The following ADGRA3 variants were observed in gnomAD, a reference collection of about 807,000 sequenced individuals.
ADGRA3 encodes adhesion G protein-coupled receptor A3.
A neutral mutation model predicts 119.8 loss-of-function variants in ADGRA3; 56 were observed. That is an observed-to-expected ratio of 0.47 (90% CI 0.38 to 0.58). The LOEUF (loss-of-function observed/expected upper bound fraction) is 0.58. Ranked by LOEUF, ADGRA3 falls within the 20% of genes least tolerant of loss-of-function variation. The probability of loss-of-function intolerance (pLI) is 0.00; values close to 1 mark genes in which losing one functional copy is unlikely to be tolerated. For synonymous variants in ADGRA3, 607 were observed against 623.8 expected, an observed-to-expected ratio of 0.97 and a Z score of 0.40; for missense variants, 1,516 against 1,649.0, an observed-to-expected ratio of 0.92 and a Z score of 1.40.
chr4:22,475,726 C>CG lies in ADGRA3; in HGVS notation c.258-1884dup, dbSNP rs552756959. Among the ~76,000 whole-genome samples the CG allele has an allele frequency of 5.4e-3, 745 of 139,200 alleles. 10 individuals carry two copies. The highest frequency in any genetic ancestry group is 0.019 in the African/African-American group (693 of 36,256). 91.3% of individuals were successfully genotyped at this position (139,200 alleles called of 152,430 possible). A position where few individuals can be genotyped will look rare whatever the true frequency, so the allele number is the denominator to read the frequency against. ...TGGGCAACAGAGCGAGACTCCGTCT[C>CG]GGAAAAAAAAATAAATAAATAAAAA... On this transcript the variant is annotated intron_variant, in intron 1 of 18. Coordinates refer to ENST00000334304, the MANE Select transcript of ADGRA3 (RefSeq NM_145290.4).
At chr4:22,430,992 T>C (rs1441638958) in intron 10 of ADGRA3, among the ~76,000 whole-genome samples, 1 of 152,166 alleles carries the variant, frequency 6.6e-6, no homozygotes, top group Non-Finnish European at 1.5e-5. Context: ...GTGTTGAGAT[T>C]GTGGGTGCAC....
intron 17 of ADGRA3, among the ~76,000 whole-genome samples, chr4:22,391,350 T>C (rs1235820471): frequency 6.6e-6 from 1 of 152,104 alleles, no homozygotes; most frequent in East Asian, 1.9e-4. Flanking sequence ...TCCTATCTTA[T>C]TTCTCAGTTG....
chr4:22,448,922 G>A (rs1347568067), intron 4 of ADGRA3, among the ~76,000 whole-genome samples: 1 of 152,108 alleles, frequency 6.6e-6, no homozygotes, highest in Non-Finnish European at 1.5e-5. Flanking sequence ...TTGTGAGAAA[G>A]GTGTGCCCAT....
intron 1 of ADGRA3, among the ~76,000 whole-genome samples, chr4:22,480,495 T>C (rs1718227960): frequency 6.6e-6 from 1 of 151,792 alleles, no homozygotes; most frequent in African/African-American, 2.4e-5. Context: ...GTGATATACA[T>C]AGCAAGACCC....
intron 1 of ADGRA3, among the ~76,000 whole-genome samples, chr4:22,490,324 T>C (rs1387719470): frequency 6.6e-6 from 1 of 152,214 alleles, no homozygotes; most frequent in East Asian, 1.9e-4. Context: ...ACCCATTTTT[T>C]AAGGTGTCTG....
At chr4:22,431,775 G>C (rs1716182085) in intron 10 of ADGRA3, among the ~76,000 whole-genome samples, 1 of 152,078 alleles carries the variant, frequency 6.6e-6, no homozygotes, top group Non-Finnish European at 1.5e-5. Context: ...GTAAATAATT[G>C]TCTTGTTTTT....
At chr4:22,390,330 ATATATATAAAATACATAT>A (rs1310461595) in intron 17 of ADGRA3, among the ~76,000 whole-genome samples, 95 of 133,144 alleles carry the variant, frequency 7.1e-4, no homozygotes, top group Middle Eastern at 3.6e-3. Context: ...TTATATATAT[ATATATATAAAATACATAT>A]TATATATATA....
chr4:22,491,565 G>A (rs1451944413), intron 1 of ADGRA3, among the ~76,000 whole-genome samples: 3 of 152,168 alleles, frequency 2.0e-5, no homozygotes, highest in East Asian at 3.9e-4. Flanking sequence ...TCCCACCCAC[G>A]ATATCTGGTC....
At chr4:22,505,758 G>T (rs1719214811) in intron 1 of ADGRA3, among the ~76,000 whole-genome samples, 1 of 151,940 alleles carries the variant, frequency 6.6e-6, no homozygotes, top group African/African-American at 2.4e-5. Flanking sequence ...AGAGCTACAG[G>T]GTCACATCTA....
rs376112996 is a variant in ADGRA3 at position 22,413,608 on chromosome 4, G to A, written c.2016C>T (p.Thr672=). The A allele has an allele frequency of 1.9e-6, 3 of 1,613,004 alleles. No individual in the cohort carries two copies. Among genetic ancestry groups the A allele is most frequent in the Non-Finnish European group, 1.7e-6 (2 of 1,179,134 alleles). Residue 672 remains threonine, a synonymous_variant, in exon 13 of 19, where the codon ACC becomes ACT. Transcript: ENST00000334304. ...CATATGCCACATACAAACCTATTTT[G>A]GTGAGAATCACAGGGGTAACCACAG... The part of the protein sequence containing the change: ...RRTVVTPVIL[T]KIDGVNVDTH...
intron 4 of ADGRA3, among the ~76,000 whole-genome samples, chr4:22,452,857 G>A (rs1717097668): frequency 6.6e-6 from 1 of 152,004 alleles, no homozygotes. Flanking sequence ...CATAACAAAA[G>A]CCTACTTCAC....
At chr4:22,400,381 C>T (rs2109005054) in intron 16 of ADGRA3, among the ~76,000 whole-genome samples, 1 of 152,228 alleles carries the variant, frequency 6.6e-6, no homozygotes, top group Admixed American at 6.5e-5. Flanking sequence ...AGAGGAAAAT[C>T]ATATTCACCA....
chr4:22,431,267 G>C (rs1716158786), intron 10 of ADGRA3, among the ~76,000 whole-genome samples: 1 of 53,840 alleles, frequency 1.9e-5, no homozygotes, highest in African/African-American at 5.0e-5. Context: ...TGTGTGCCTG[G>C]AAAAGCCTTG....
intron 1 of ADGRA3, among the ~76,000 whole-genome samples, chr4:22,481,910 G>GT (rs144195578): frequency 0.047 from 7,202 of 152,266 alleles, 234 homozygotes; most frequent in Middle Eastern, 0.099. Flanking sequence ...AAAAATGAGA[G>GT]TATCTACTGA....
intron 7 of ADGRA3, among the ~76,000 whole-genome samples, chr4:22,441,567 A>G (rs61792020): frequency 0.025 from 3,739 of 152,318 alleles, 87 homozygotes; most frequent in East Asian, 0.078. Flanking sequence ...TCCGTGGGCC[A>G]GATTTGGTTC....
intron 2 of ADGRA3, among the ~76,000 whole-genome samples, chr4:22,466,388 G>A (rs1443844872): frequency 1.3e-5 from 2 of 152,046 alleles, no homozygotes; most frequent in East Asian, 1.9e-4. Flanking sequence ...CTTCACCCAC[G>A]TATCCTTGAG....
intron 1 of ADGRA3, 84 bp downstream of exon 1, chr4:22,515,444 C>A: frequency 6.7e-7 from 1 of 1,486,388 alleles, no homozygotes; most frequent in Admixed American, 2.1e-5. Flanking sequence ...CGCGTGGGTG[C>A]CGGCTGGACC....
chr4:22,388,898 T>A lies in ADGRA3; in HGVS notation c.2773A>T (p.Ser925Cys). 6.2e-7 allele frequency: 1 copy of A among 1,614,120 alleles called. No individual in the cohort carries two copies. The highest frequency in any genetic ancestry group is 8.5e-7 in the Non-Finnish European group (1 of 1,180,002). Residue 925 changes from serine to cysteine, a missense_variant, in exon 19 of 19, where the codon AGC becomes TGC. By Grantham distance (112) the Ser-to-Cys change is moderately radical. Coordinates refer to ENST00000334304, the MANE Select transcript of ADGRA3 (RefSeq NM_145290.4). ...ATGCAGTTTACAAAAGTGATGAAGC[T>A]GGCTGGCCCATAGAAGGCTCCCAAG... ...PSLGAFYGPA[S>C]FITFVNCMYF... is the part of the protein sequence containing the mutation.
intron 10 of ADGRA3, among the ~76,000 whole-genome samples, chr4:22,432,512 A>C (rs1277148282): frequency 6.6e-6 from 1 of 152,230 alleles, no homozygotes; most frequent in Non-Finnish European, 1.5e-5. Flanking sequence ...TATATTTGTA[A>C]AAATCTATAT....
Sources: gnomAD v4.1 joint callset for allele counts (sites outside exome capture counted in the v4.1 genomes callset) on GRCh38, gnomAD v4.1.1 for gene constraint, MANE v1.5 for transcripts, NCBI Gene and HGNC (gene_info 2026-07-23, HGNC 2026-07-21) for gene names.